VPS53: variants seen among roughly 807,000 people sequenced by gnomAD.
VPS53 encodes VPS53 subunit of GARP complex.
Under a neutral mutation model 107.0 loss-of-function variants are expected in VPS53, and 70 were observed. The observed-to-expected ratio is 0.65, with a 90% CI of 0.54 to 0.80. The LOEUF (loss-of-function observed/expected upper bound fraction) is 0.80, where lower values mean the gene tolerates loss of function less well. Among genes scored for constraint, VPS53 ranks in the 30% least tolerant of loss-of-function variants. VPS53 has a pLI of 0.00. For missense variants in VPS53, 917 were observed against 1,049.4 expected (o/e 0.87, Z 1.74); for synonymous variants, 409 against 393.3 (o/e 1.04, Z -0.47).
chr17:691,922 T>C (rs1258073921), intron 4 of VPS53, among the ~76,000 whole-genome samples: 2 of 152,208 alleles, frequency 1.3e-5, no homozygotes, highest in East Asian at 3.9e-4. Context: ...ACGGCATATA[T>C]AGGGTTTGCT....
intron 11 of VPS53, among the ~76,000 whole-genome samples, chr17:611,173 C>T (rs557230997): frequency 1.4e-4 from 22 of 152,188 alleles, no homozygotes; most frequent in African/African-American, 5.1e-4. Context: ...GCCACCACGC[C>T]TGGCTAAGTT....
chr17:692,952 G>A (rs1972827402), intron 4 of VPS53, among the ~76,000 whole-genome samples: 3 of 152,162 alleles, frequency 2.0e-5, no homozygotes, highest in South Asian at 4.1e-4. Flanking sequence ...TGACCAACAT[G>A]GTGAAATCCC....
In VPS53 at chr17:562,728, A is replaced by G. The variant is rs774734071; in HGVS notation, c.1331T>C (p.Ile444Thr). 7 of 1,612,872 alleles carry G rather than the reference A, an allele frequency of 4.3e-6. No homozygotes were observed. Among genetic ancestry groups the G allele is most frequent in the African/African-American group, 2.7e-5 (2 of 74,668 alleles). The change falls in exon 14 of 22, where the codon ATA (isoleucine) becomes ACA (threonine). Residue 444 changes from isoleucine to threonine, a missense_variant. Coordinates refer to ENST00000437048, the MANE Select transcript of VPS53 (RefSeq NM_001128159.3). ...TTTGAAATCAGCCACAAACCGATCTATCAGCTCTCCGAGGTTCCTAGGAGG... is the reference window on the plus strand; with the variant it reads ...TTTGAAATCAGCCACAAACCGATCTGTCAGCTCTCCGAGGTTCCTAGGAGG... ...ESQDKNLGELIDRFVADFKAQ... is the reference protein window; with the variant it reads ...ESQDKNLGELTDRFVADFKAQ...
intron 11 of VPS53, among the ~76,000 whole-genome samples, chr17:606,288 G>C (rs1057497259): frequency 6.6e-6 from 1 of 152,112 alleles, no homozygotes; most frequent in African/African-American, 2.4e-5. Context: ...TCGTGTAGTG[G>C]CAAGGGCACA....
intron 14 of VPS53, among the ~76,000 whole-genome samples, chr17:562,291 G>T (rs527934641): frequency 2.0e-5 from 3 of 152,140 alleles, no homozygotes; most frequent in African/African-American, 7.2e-5. Context: ...ATTTGCCCAC[G>T]TGGGCAGTCA....
At chr17:592,313 C>A (rs982006788) in intron 12 of VPS53, among the ~76,000 whole-genome samples, 21 of 152,280 alleles carry the variant, frequency 1.4e-4, no homozygotes, top group African/African-American at 2.2e-4. Flanking sequence ...TTCCTGAATA[C>A]AGCACACTGA....
At chr17:668,050 A>C (rs1401362890) in intron 4 of VPS53, among the ~76,000 whole-genome samples, 1 of 152,184 alleles carries the variant, frequency 6.6e-6, no homozygotes, top group Non-Finnish European at 1.5e-5. Flanking sequence ...CGCTGGTGCC[A>C]AAAAGGTTGG....
At chr17:576,164 G>A (rs1300683976) in intron 13 of VPS53, among the ~76,000 whole-genome samples, 1 of 151,662 alleles carries the variant, frequency 6.6e-6, no homozygotes, top group African/African-American at 2.4e-5. Context: ...ACCTCCCTCA[G>A]AACCTAATGT....
intron 17 of VPS53, among the ~76,000 whole-genome samples, chr17:547,669 A>G (rs1220214415): frequency 6.6e-6 from 1 of 151,812 alleles, no homozygotes; most frequent in Non-Finnish European, 1.5e-5. Flanking sequence ...ATAGAGTCTC[A>G]CTCTGTCACC....
intron 17 of VPS53, among the ~76,000 whole-genome samples, chr17:542,310 A>G (rs917742620): frequency 1.3e-5 from 2 of 152,234 alleles, no homozygotes; most frequent in African/African-American, 4.8e-5. Flanking sequence ...CTAAGTTAGC[A>G]GGAAAGGTCA....
chr17:552,497 C>T (rs1185428986), intron 16 of VPS53: 1 of 153,198 alleles, frequency 6.5e-6, no homozygotes, highest in Non-Finnish European at 1.5e-5. Flanking sequence ...CCACAAGGTC[C>T]TAACAGGGAA....
At chr17:590,190 G>C (rs1356459800) in intron 12 of VPS53, among the ~76,000 whole-genome samples, 1 of 151,786 alleles carries the variant, frequency 6.6e-6, no homozygotes, top group African/African-American at 2.4e-5. Context: ...TCTGTTGTTG[G>C]TGTATAAGAA....
chr17:653,294 T>C lies in VPS53; in HGVS notation c.605A>G (p.Glu202Gly). Residue 202 changes from glutamate to glycine, a missense_variant, in exon 7 of 22, where the codon GAA (glutamate) becomes GGA (glycine). Physicochemically the swap from Glu to Gly is moderately conservative, Grantham distance 98 (BLOSUM62 -2). Coordinates refer to ENST00000437048, the MANE Select transcript of VPS53 (RefSeq NM_001128159.3). ...TTTCCCTCTGGTGACAGTTTACCTTTCGGAAAGCTGCCGGATCTGCGGAAT... is the reference window on the plus strand; with the variant it reads ...TTTCCCTCTGGTGACAGTTTACCTTCCGGAAAGCTGCCGGATCTGCGGAAT... ...MGIPQIRQLSERVKAAQTELG... is the reference protein window; with the variant it reads ...MGIPQIRQLSGRVKAAQTELG... The C allele has an allele frequency of 6.2e-7, 1 of 1,613,986 alleles. No homozygotes were observed. Among genetic ancestry groups the C allele is most frequent in the Non-Finnish European group, 8.5e-7 (1 of 1,180,000 alleles).
intron 14 of VPS53, 55 bp downstream of exon 14, chr17:562,448 A>C: frequency 5.6e-6 from 9 of 1,598,240 alleles, no homozygotes; most frequent in Non-Finnish European, 7.7e-6. Flanking sequence ...TTTCCTTAAG[A>C]TTCCCATATT....
chr17:604,914 C>A (rs1366870752), intron 11 of VPS53, among the ~76,000 whole-genome samples: 5 of 152,190 alleles, frequency 3.3e-5, no homozygotes. Flanking sequence ...GTGAGAAAGA[C>A]AGGCCAGCCT....
chr17:665,781 G>A (rs1971656110), intron 4 of VPS53, among the ~76,000 whole-genome samples: 1 of 152,300 alleles, frequency 6.6e-6, no homozygotes, highest in Admixed American at 6.5e-5. Flanking sequence ...GAGGCGGGCG[G>A]ATCGCCTGAG....
intron 4 of VPS53, among the ~76,000 whole-genome samples, chr17:671,557 T>C (rs1971946638): frequency 1.3e-5 from 2 of 152,054 alleles, no homozygotes; most frequent in South Asian, 4.2e-4. Context: ...ACCTGAAAGG[T>C]AGTAAGGAAT....
chr17:651,024 T>C (rs564363621), intron 7 of VPS53, among the ~76,000 whole-genome samples: 3 of 152,344 alleles, frequency 2.0e-5, no homozygotes, highest in South Asian at 2.1e-4. Flanking sequence ...ACTGAAACTA[T>C]AGATTTATAT....
chr17:609,700 G>A (rs982382183), intron 11 of VPS53, among the ~76,000 whole-genome samples: 1 of 152,176 alleles, frequency 6.6e-6, no homozygotes, highest in Admixed American at 6.5e-5. Context: ...GGCTGAAATT[G>A]AAAGTGCTCA....
Sources: allele counts gnomAD v4.1 joint callset (sites outside exome capture counted in the v4.1 genomes callset), GRCh38; gene constraint gnomAD v4.1.1; transcripts MANE v1.5; gene names NCBI Gene and HGNC (gene_info 2026-07-23, HGNC 2026-07-21).